The following GSE1 variants were observed in gnomAD, a reference collection of about 807,000 sequenced individuals.
GSE1 encodes Gse1 coiled-coil protein.
Under a neutral mutation model 112.6 loss-of-function variants are expected in GSE1, and 32 were observed. The ratio of observed to expected loss-of-function variants is 0.28; its 90% CI spans 0.21 to 0.38. GSE1 has a LOEUF of 0.38. Among genes scored for constraint, GSE1 ranks in the 10% least tolerant of loss-of-function variants. The pLI, the probability that GSE1 is intolerant of heterozygous loss-of-function variation, is 1.00. For missense variants in GSE1, 2,348 were observed against 1,699.2 expected (o/e 1.38, Z -6.71); for synonymous variants, 1,115 against 735.6 (o/e 1.52, Z -8.35).
intron 1 of GSE1, among the ~76,000 whole-genome samples, chr16:85,250,220 C>T (rs143052098): frequency 0.017 from 2,630 of 152,332 alleles, 80 homozygotes; most frequent in African/African-American, 0.058. Flanking sequence ...GGCCAAGTGG[C>T]CTTTCTTTCA....
intron 1 of GSE1, among the ~76,000 whole-genome samples, chr16:85,606,367 G>C (rs1030659209): frequency 6.6e-6 from 1 of 152,242 alleles, no homozygotes; most frequent in Non-Finnish European, 1.5e-5. Flanking sequence ...ACTTCTCCGA[G>C]CTCCACAACC....
intron 2 of GSE1, among the ~76,000 whole-genome samples, chr16:85,384,325 C>T (rs1337952645): frequency 6.6e-6 from 1 of 152,200 alleles, no homozygotes; most frequent in Non-Finnish European, 1.5e-5. Flanking sequence ...GAGAACCTCC[C>T]CCTTGCCCAT....
intron 1 of GSE1, among the ~76,000 whole-genome samples, chr16:85,625,367 C>T (rs1243752123): frequency 6.6e-6 from 1 of 152,214 alleles, no homozygotes; most frequent in East Asian, 1.9e-4. Context: ...GCAGGACCGT[C>T]GGCTCCTAGG....
chr16:85,179,406 G>A (rs1157813536), intron 1 of GSE1, among the ~76,000 whole-genome samples: 2 of 152,202 alleles, frequency 1.3e-5, no homozygotes, highest in Non-Finnish European at 2.9e-5. Flanking sequence ...ACATCAGACC[G>A]TGGACATCGG....
At chr16:85,662,926 C>A in intron 9 of GSE1, 55 bp from the exon 10 acceptor site, 2 of 1,247,824 alleles carry the variant, frequency 1.6e-6, no homozygotes, top group Non-Finnish European at 2.3e-6. Context: ...GCGGGCATGT[C>A]CACTGGACAG....
intron 2 of GSE1, among the ~76,000 whole-genome samples, chr16:85,449,329 G>A (rs1442371145): frequency 6.6e-6 from 1 of 152,178 alleles, no homozygotes; most frequent in Non-Finnish European, 1.5e-5. Context: ...GGCCTGGAAG[G>A]GCCCAGAAAA....
intron 1 of GSE1, chr16:85,285,272 AGT>A (rs1167746689): frequency 1.3e-5 from 2 of 152,072 alleles, no homozygotes; most frequent in African/African-American, 4.8e-5. Flanking sequence ...AACTCACGAG[AGT>A]GTGTGCTTGT....
chr16:85,247,439 A>C (rs980643841), intron 1 of GSE1, among the ~76,000 whole-genome samples: 3 of 152,204 alleles, frequency 2.0e-5, no homozygotes, highest in African/African-American at 7.2e-5. Flanking sequence ...CAGGCTCCAG[A>C]AGGCAGTGGC....
At position 85,661,517 on chromosome 16, in the gene GSE1, C is replaced by G; in HGVS notation, c.2012C>G (p.Pro671Arg). 2 of 1,612,138 alleles carry G rather than the reference C, an allele frequency of 1.2e-6. No homozygotes were observed. The highest frequency in any genetic ancestry group is 2.2e-5 in the South Asian group (2 of 91,060). ...SLEHQPFLPGPGPFLAELEKS... is the reference protein window; with the variant it reads ...SLEHQPFLPGRGPFLAELEKS... ...GAGCACCAGCCCTTCCTGCCCGGGC[C>G]CGGGCCCTTCCTGGCTGAGCTCGAG... Residue 671 changes from proline (P) to arginine (R), a missense_variant, in exon 9 of 16, where the codon CCC becomes CGC. Coordinates refer to ENST00000253458, the MANE Select transcript of GSE1 (RefSeq NM_014615.5).
chr16:85,572,105 C>A (rs1181883743), intron 1 of GSE1, among the ~76,000 whole-genome samples: 1 of 150,438 alleles, frequency 6.6e-6, no homozygotes, highest in East Asian at 2.0e-4. Flanking sequence ...ACCACACACA[C>A]ACCACACACA....
intron 1 of GSE1, among the ~76,000 whole-genome samples, chr16:85,235,452 G>C (rs1423760222): frequency 2.6e-5 from 4 of 151,004 alleles, no homozygotes; most frequent in Non-Finnish European, 4.4e-5. Flanking sequence ...GTGTGTGTGT[G>C]TGTGTGTGTG....
chr16:85,436,185 C>T (rs1339936178), intron 2 of GSE1, among the ~76,000 whole-genome samples: 3 of 152,214 alleles, frequency 2.0e-5, no homozygotes, highest in African/African-American at 7.2e-5. Context: ...CCTGTTCTCT[C>T]CTCCAAAAGT....
intron 2 of GSE1, among the ~76,000 whole-genome samples, chr16:85,532,211 C>T (rs1374490819): frequency 1.3e-5 from 2 of 152,172 alleles, no homozygotes; most frequent in Admixed American, 1.3e-4. Flanking sequence ...GAAACTGAGG[C>T]ACGTAGGAGT....
At chr16:85,494,936 A>C (rs922132512) in intron 2 of GSE1, among the ~76,000 whole-genome samples, 1 of 145,884 alleles carries the variant, frequency 6.9e-6, no homozygotes, top group Admixed American at 6.8e-5. Context: ...GGCTTTCTGC[A>C]TCGGACTCCT....
At chr16:85,584,335 T>C (rs2046590505) in intron 1 of GSE1, among the ~76,000 whole-genome samples, 2 of 149,992 alleles carry the variant, frequency 1.3e-5, no homozygotes, top group African/African-American at 4.9e-5. Context: ...GGATGCTGGC[T>C]ACCACCAAGA....
At chr16:85,425,434 GC>G (rs1193981474) in intron 2 of GSE1, among the ~76,000 whole-genome samples, 1 of 152,144 alleles carries the variant, frequency 6.6e-6, no homozygotes, top group African/African-American at 2.4e-5. Flanking sequence ...GTGCTGCCGG[GC>G]TGGAGCTGCG....
intron 1 of GSE1, among the ~76,000 whole-genome samples, chr16:85,356,183 G>A (rs1457320575): frequency 6.6e-6 from 1 of 152,332 alleles, no homozygotes; most frequent in East Asian, 1.9e-4. Context: ...CCTTAGTAAC[G>A]GGCAGTTGGC....
intron 1 of GSE1, among the ~76,000 whole-genome samples, chr16:85,190,432 T>G (rs1278620420): frequency 6.6e-6 from 1 of 152,252 alleles, no homozygotes; most frequent in Non-Finnish European, 1.5e-5. Flanking sequence ...CCATTTAAAG[T>G]ATTTGTGACC....
At chr16:85,463,209 C>A in intron 2 of GSE1, 1 of 625,294 alleles carries the variant, frequency 1.6e-6, no homozygotes, top group Non-Finnish European at 2.0e-6. Flanking sequence ...CCACCCGGGG[C>A]TGGAACCTGG....
Sources: gnomAD v4.1 joint callset for allele counts (sites outside exome capture counted in the v4.1 genomes callset) on GRCh38, gnomAD v4.1.1 for gene constraint, MANE v1.5 for transcripts, NCBI Gene and HGNC (gene_info 2026-07-23, HGNC 2026-07-21) for gene names.